Variants in ITPKC observed in about 807,000 individuals in gnomAD.
The protein encoded by ITPKC is inositol-trisphosphate 3-kinase C.
In ITPKC, 33 loss-of-function variants were observed where a neutral mutation model predicts 67.1. That is an observed-to-expected ratio of 0.49 (90% CI 0.37 to 0.66). ITPKC has a LOEUF of 0.66. Among genes scored for constraint, ITPKC ranks in the 30% least tolerant of loss-of-function variants. The pLI, the probability that ITPKC is intolerant of heterozygous loss-of-function variation, is 0.00. For missense variants in ITPKC, 820 were observed against 892.1 expected (o/e 0.92, Z 1.03); for synonymous variants, 341 against 359.8 (o/e 0.95, Z 0.59).
chr19:40,736,829 A>ATTTTTTTT (rs33978293), intron 4 of ITPKC, among the ~76,000 whole-genome samples, 157 bp from the exon 5 acceptor site: 1 of 147,206 alleles, frequency 6.8e-6, no homozygotes, highest in Non-Finnish European at 1.5e-5. Context: ...CCACACCAGA[A>ATTTTTTTT]TTTTTTTTTT....
chr19:40,725,355 A>G lies in ITPKC; in HGVS notation c.1171A>G (p.Lys391Glu), dbSNP rs201664820. 1.2e-6 allele frequency: 2 copies of G among 1,613,566 alleles called. No individual in the cohort carries two copies. Among genetic ancestry groups the G allele is most frequent in the East Asian group, 2.2e-5 (1 of 44,888 alleles). ...EDRSGSKPWK[K>E]LKTVLKYSPF... Reference sequence around the variant, plus strand: ...CTCCCTACAGAGCAAACCCTGGAAGAAGCTGAAGACAGTTCTGAAGTATTC... The same window carrying G: ...CTCCCTACAGAGCAAACCCTGGAAGGAGCTGAAGACAGTTCTGAAGTATTC... Residue 391 changes from lysine (K) to glutamate (E), a missense_variant, in exon 2 of 7, where the codon AAG becomes GAG. Lys to Glu is a moderately conservative substitution (Grantham distance 56). This residue lies in a region of ITPKC where 339 missense variants were observed against 422.0 expected (regional missense o/e 0.80). Transcript: ENST00000263370.
At chr19:40,718,554 T>C (rs1004046734) in intron 1 of ITPKC, among the ~76,000 whole-genome samples, 21 of 152,088 alleles carry the variant, frequency 1.4e-4, no homozygotes, top group African/African-American at 4.8e-4. Flanking sequence ...TGACCGACTT[T>C]ATGGGGCCCA....
intron 1 of ITPKC, among the ~76,000 whole-genome samples, chr19:40,719,101 G>C (rs1181990064): frequency 6.6e-6 from 1 of 152,172 alleles, no homozygotes; most frequent in Non-Finnish European, 1.5e-5. Flanking sequence ...AGCCGAGTCC[G>C]GAGTCCATCA....
At chr19:40,737,426 C>G (rs1031981359) in intron 5 of ITPKC, among the ~76,000 whole-genome samples, 2 of 152,344 alleles carry the variant, frequency 1.3e-5, no homozygotes, top group African/African-American at 2.4e-5. Context: ...TGCCGTTCGG[C>G]AAGTCATGTG....
Position 40,717,286 on chromosome 19 carries a change from G to A in ITPKC, c.151G>A (p.Gly51Arg). 1 of 1,462,790 alleles carries A rather than the reference G, an allele frequency of 6.8e-7. No homozygotes were observed. The highest frequency in any genetic ancestry group is 9.0e-7 in the Non-Finnish European group (1 of 1,113,010). The allele number at this position is 1,462,790 out of a possible 1,614,324, so 90.6% of individuals were successfully genotyped here. The change falls in exon 1 of 7, where the codon GGG (glycine) becomes AGG (arginine). Residue 51 changes from glycine (G) to arginine (R), a missense_variant. This residue lies in a region of ITPKC where 481 missense variants were observed against 470.1 expected (regional missense o/e 1.02). Transcript: ENST00000263370. ...TGGGCCCGGCGCAGGGGCCCCGGCG[G>A]GGCGGCCGGAGGGGGGCGGGCCCTG... ...RPGPGAGAPA[G>R]RPEGGGPWAR...
chr19:40,737,847 A>C, intron 6 of ITPKC, 78 bp downstream of exon 6: 1 of 1,238,132 alleles, frequency 8.1e-7, no homozygotes, highest in Non-Finnish European at 1.2e-6. Flanking sequence ...TTGATGAGTT[A>C]CAGGTCAAAG....
At position 40,718,169 on chromosome 19, in the gene ITPKC, G is replaced by T. The variant is rs1325084554; in HGVS notation, c.1034G>T (p.Gly345Val). ...CCTGAGCCTGAGGCCCAGCCAGTGG[G>T]ACCCCCCTCCCGGGTTGAGGGGGGC... ...ETPEPEAQPV[G>V]PPSRVEGGSG... Residue 345 changes from glycine (G) to valine (V), a missense_variant, in exon 1 of 7, where the codon GGA (glycine) becomes GTA (valine). Physicochemically the swap from Gly to Val is moderately radical, Grantham distance 109. Coordinates refer to ENST00000263370, the MANE Select transcript of ITPKC (RefSeq NM_025194.3). 5.7e-6 allele frequency: 9 copies of T among 1,592,894 alleles called. No homozygotes were observed. The highest frequency in any genetic ancestry group is 7.7e-6 in the Non-Finnish European group (9 of 1,169,876).
chr19:40,734,748 AC>A (rs2082287023), intron 4 of ITPKC, among the ~76,000 whole-genome samples: 1 of 142,298 alleles, frequency 7.0e-6, no homozygotes, highest in African/African-American at 2.7e-5. Flanking sequence ...TGACGTGATT[AC>A]TGGCACGCAC....
chr19:40,725,547 C>T (rs2082242961), intron 2 of ITPKC, 108 bp downstream of exon 2: 3 of 798,558 alleles, frequency 3.8e-6, no homozygotes, highest in East Asian at 2.4e-5. Context: ...GGTGACAGTC[C>T]CCACCTTATG....
intron 1 of ITPKC, among the ~76,000 whole-genome samples, chr19:40,723,531 C>G (rs1292676016): frequency 6.7e-6 from 1 of 149,188 alleles, no homozygotes; most frequent in Non-Finnish European, 1.5e-5. Context: ...CAGTCTTGCT[C>G]TGTCGCCCAG....
At position 40,740,690 on chromosome 19, in the gene ITPKC, ACT is replaced by A. The variant is rs2082325217; in HGVS notation, c.*1131_*1132del. ...CTCTTCCTTAAGCTGAAGCTCCCACACTGTCTTCCAGGGCTGAGGAGATGCTC... is the reference window on the plus strand; with the variant it reads ...CTCTTCCTTAAGCTGAAGCTCCCACAGTCTTCCAGGGCTGAGGAGATGCTC... On this transcript the variant is annotated 3_prime_UTR_variant, in exon 7 of 7. Transcript: ENST00000263370. The A allele has an allele frequency of 6.9e-5, 23 of 334,684 alleles. No homozygotes were observed. In the East Asian group the frequency reaches 1.0e-3, roughly 15 times the overall value. 20.7% of individuals were successfully genotyped at this position (334,684 alleles called of 1,614,324 possible).
chr19:40,739,807 G>C lies in ITPKC; in HGVS notation c.*247G>C. The stretch of plus-strand genomic sequence containing the variant: ...AGGAAGGTGATGAGGCAGTGAGTCA[G>C]AAAAACCAGAACGGGGTCCCCGGAT... On this transcript the variant is annotated 3_prime_UTR_variant, in exon 7 of 7. Coordinates refer to ENST00000263370, the MANE Select transcript of ITPKC (RefSeq NM_025194.3). The C allele has an allele frequency of 7.3e-6, 4 of 551,026 alleles. No homozygotes were observed. The highest frequency in any genetic ancestry group is 1.3e-5 in the Non-Finnish European group (4 of 308,346). The allele number at this position is 551,026 out of a possible 1,614,324, so 34.1% of individuals were successfully genotyped here. A position where few individuals can be genotyped will look rare whatever the true frequency, so the allele number is the denominator to read the frequency against.
At chr19:40,728,991 G>T in intron 2 of ITPKC, among the ~76,000 whole-genome samples, 1 of 152,054 alleles carries the variant, frequency 6.6e-6, no homozygotes, top group African/African-American at 2.4e-5. Context: ...TCGCACCATT[G>T]CACTCCAGCC....
Position 40,729,202 on chromosome 19 carries a change from G to A in ITPKC, c.1256G>A (p.Gly419Glu). 6.2e-7 allele frequency: 1 copy of A among 1,613,422 alleles called. No individual in the cohort carries two copies. The highest frequency in any genetic ancestry group is 1.1e-5 in the South Asian group (1 of 91,058). The change falls in exon 3 of 7, where the codon GGG becomes GAG. Residue 419 changes from glycine (G) to glutamate (E), a missense_variant and splice_region_variant. Around this residue, in one of 2 missense-constraint regions of ITPKC, gnomAD observed 339 missense variants for 422.0 expected, o/e 0.80. Coordinates refer to ENST00000263370, the MANE Select transcript of ITPKC (RefSeq NM_025194.3). ...YPWVQLSGHAGNFQAGEDGRI... is the reference protein window; with the variant it reads ...YPWVQLSGHAENFQAGEDGRI... ...CTCTCATTTATTCTACCACCTTTAG[G>A]GAACTTCCAGGCAGGAGAGGATGGT...
rs182742609 is a variant in ITPKC at position 40,719,476 on chromosome 19, A to T, written c.1155+1186A>T. Reference sequence around the variant, plus strand: ...ATTAACTCACTCACTCCTCGCAGCAACCCTAATGAGGTAGATACTTTTTTT... The same window carrying T: ...ATTAACTCACTCACTCCTCGCAGCATCCCTAATGAGGTAGATACTTTTTTT... On this transcript the variant is annotated intron_variant, in intron 1 of 6. Transcript: ENST00000263370. Among the ~76,000 whole-genome samples the T allele has an allele frequency of 5.3e-3, 808 of 151,412 alleles. 2 individuals carry two copies. Among genetic ancestry groups the T allele is most frequent in the Non-Finnish European group, 7.7e-3 (524 of 67,886 alleles).
chr19:40,725,252 T>A, intron 1 of ITPKC, 88 bp from the exon 2 acceptor site: 1 of 789,656 alleles, frequency 1.3e-6, no homozygotes. Flanking sequence ...AGACTGCAGG[T>A]CCCCTTTCGT....
At chr19:40,726,307 C>T (rs141182844) in intron 2 of ITPKC, among the ~76,000 whole-genome samples, 34 of 152,036 alleles carry the variant, frequency 2.2e-4, no homozygotes, top group Non-Finnish European at 4.7e-4. Flanking sequence ...GCCTTCTCCG[C>T]GTGTTCAGAG....
chr19:40,725,636 T>C (rs1395212778), intron 2 of ITPKC, among the ~76,000 whole-genome samples, 197 bp downstream of exon 2: 1 of 152,160 alleles, frequency 6.6e-6, no homozygotes. Context: ...GTTATTCTGG[T>C]GGAGAGAGGG....
chr19:40,722,511 A>G (rs546451874), intron 1 of ITPKC, among the ~76,000 whole-genome samples: 5 of 150,660 alleles, frequency 3.3e-5, no homozygotes, highest in Non-Finnish European at 7.4e-5. Flanking sequence ...TCTGTGAGGT[A>G]GCTGGGCTCT....
Sources: allele counts gnomAD v4.1 joint callset (sites outside exome capture counted in the v4.1 genomes callset), GRCh38; gene constraint gnomAD v4.1.1; regional missense constraint gnomAD v4.1.1; transcripts MANE v1.5; gene names NCBI Gene and HGNC (gene_info 2026-07-23, HGNC 2026-07-21).